The following PRKCE variants were observed in gnomAD, a reference collection of about 807,000 sequenced individuals.
PRKCE encodes the protein protein kinase C epsilon type.
In PRKCE, 16 loss-of-function variants were observed where a neutral mutation model predicts 85.4. The observed-to-expected ratio is 0.19, with a 90% CI of 0.13 to 0.28. The LOEUF (loss-of-function observed/expected upper bound fraction) is 0.28, where lower values mean the gene tolerates loss of function less well. PRKCE is among the 10% of genes least tolerant of loss of function. The pLI, the probability that PRKCE is intolerant of heterozygous loss-of-function variation, is 1.00. For synonymous variants in PRKCE, 388 were observed against 371.5 expected (o/e 1.04, Z -0.51); for missense variants, 573 against 975.2 (o/e 0.59, Z 5.49).
intron 5 of PRKCE, among the ~76,000 whole-genome samples, chr2:45,982,040 G>A (rs1449765590): frequency 2.0e-5 from 3 of 152,256 alleles, no homozygotes; most frequent in Admixed American, 6.5e-5. Context: ...CCAGTGAAGT[G>A]TGTTCCCAAA....
chr2:45,710,869 A>G (rs919726953), intron 1 of PRKCE, among the ~76,000 whole-genome samples: 1 of 152,208 alleles, frequency 6.6e-6, no homozygotes, highest in Admixed American at 6.5e-5. Context: ...CAGATGACAC[A>G]ACCTGACTTG....
intron 1 of PRKCE, among the ~76,000 whole-genome samples, chr2:45,816,331 C>G (rs940978561): frequency 2.6e-5 from 4 of 152,048 alleles, no homozygotes; most frequent in African/African-American, 4.8e-5. Context: ...TTCACTACCC[C>G]CTGGAGTGTC....
intron 10 of PRKCE, among the ~76,000 whole-genome samples, chr2:46,029,150 A>G (rs140402093): frequency 1.1e-4 from 16 of 152,222 alleles, no homozygotes; most frequent in Admixed American, 2.0e-4. Context: ...TCATTTTTTA[A>G]AGCTCTTTAC....
chr2:45,783,588 G>A (rs761181292), intron 1 of PRKCE, among the ~76,000 whole-genome samples: 46 of 152,204 alleles, frequency 3.0e-4, no homozygotes, highest in Admixed American at 4.6e-4. Context: ...TATGGAAGTC[G>A]TTCTCTTACT....
intron 2 of PRKCE, among the ~76,000 whole-genome samples, chr2:45,849,178 A>G (rs1692041905): frequency 6.6e-6 from 1 of 152,236 alleles, no homozygotes; most frequent in Admixed American, 6.5e-5. Context: ...GATTGAAGGC[A>G]GTTCCTTCTG....
intron 1 of PRKCE, among the ~76,000 whole-genome samples, chr2:45,718,101 G>A (rs536637262): frequency 7.9e-5 from 12 of 152,264 alleles, no homozygotes; most frequent in South Asian, 4.1e-4. Flanking sequence ...CATTTGGGCC[G>A]GATAACTTTT....
intron 10 of PRKCE, among the ~76,000 whole-genome samples, chr2:46,070,914 G>A (rs11902150): frequency 0.095 from 14,431 of 152,192 alleles, 1,104 homozygotes; most frequent in East Asian, 0.44. Flanking sequence ...TATAGGAGGT[G>A]CTCAATAAAT....
intron 10 of PRKCE, among the ~76,000 whole-genome samples, chr2:46,051,717 C>T (rs1190240441): frequency 6.6e-6 from 1 of 152,162 alleles, no homozygotes; most frequent in Non-Finnish European, 1.5e-5. Context: ...GAAACAAATC[C>T]TCAATGATGC....
At chr2:46,154,374 A>G (rs1411058208) in intron 13 of PRKCE, among the ~76,000 whole-genome samples, 2 of 151,898 alleles carry the variant, frequency 1.3e-5, no homozygotes, top group Non-Finnish European at 2.9e-5. Flanking sequence ...TCTCACTCCG[A>G]GAATGGTTCT....
At chr2:45,798,409 GC>G (rs1687602606) in intron 1 of PRKCE, among the ~76,000 whole-genome samples, 1 of 152,136 alleles carries the variant, frequency 6.6e-6, no homozygotes, top group African/African-American at 2.4e-5. Context: ...CTCCTCCTTT[GC>G]CTCACATACA....
At chr2:46,111,241 T>C (rs1410195908) in intron 11 of PRKCE, among the ~76,000 whole-genome samples, 2 of 152,206 alleles carry the variant, frequency 1.3e-5, no homozygotes, top group Non-Finnish European at 2.9e-5. Context: ...ACTATATCCT[T>C]ATTGATTTTC....
At chr2:45,753,826 G>A (rs1454997902) in intron 1 of PRKCE, among the ~76,000 whole-genome samples, 4 of 151,968 alleles carry the variant, frequency 2.6e-5, no homozygotes, top group East Asian at 1.9e-4. Flanking sequence ...TCCCCTCCAG[G>A]CATCCTAACA....
At position 46,139,692 on chromosome 2, in the gene PRKCE, A is replaced by ATATG. The variant is rs1553359935; in HGVS notation, c.1593-5400_1593-5399insATGT. On this transcript the variant is annotated intron_variant, in intron 11 of 14. Transcript: ENST00000306156. The surrounding 1 kb of genome is among the most constrained non-coding windows in gnomAD (Gnocchi z 5.2). ...CATATATATATATATGCGTATATAT[A>ATATG]TGTGTGTGTATATATATACATATAT... Among the ~76,000 whole-genome samples, 1 of 151,488 alleles carries ATATG rather than the reference A, an allele frequency of 6.6e-6. No individual in the cohort carries two copies. Among genetic ancestry groups the ATATG allele is most frequent in the African/African-American group, 2.4e-5 (1 of 41,172 alleles).
intron 2 of PRKCE, among the ~76,000 whole-genome samples, chr2:45,866,690 T>A (rs1292850482): frequency 1.3e-5 from 2 of 152,244 alleles, no homozygotes; most frequent in African/African-American, 2.4e-5. Context: ...ACTAGCCACC[T>A]GTGGCTATTT....
In PRKCE at chr2:46,130,785, G is replaced by A. The variant is rs140434851; in HGVS notation, c.1593-14308G>A. On this transcript the variant is annotated intron_variant, in intron 11 of 14. Coordinates refer to ENST00000306156, the MANE Select transcript of PRKCE (RefSeq NM_005400.3). The stretch of plus-strand genomic sequence containing the variant: ...TAGAAAACACATTAAGATATGTCCT[G>A]TACACAGGTAGAAAGTGCTGCTTGT... Among the ~76,000 whole-genome samples the A allele has an allele frequency of 5.3e-5, 8 of 152,326 alleles. No individual in the cohort carries two copies. In the East Asian group the frequency reaches 1.5e-3, roughly 29 times the overall value.
chr2:45,702,833 C>A (rs17034028), intron 1 of PRKCE, among the ~76,000 whole-genome samples: 1 of 152,106 alleles, frequency 6.6e-6, no homozygotes, highest in African/African-American at 2.4e-5. Flanking sequence ...CTACAAGGAG[C>A]CATTTGAACA....
At chr2:45,729,655 A>C (rs1274345029) in intron 1 of PRKCE, among the ~76,000 whole-genome samples, 2 of 152,210 alleles carry the variant, frequency 1.3e-5, no homozygotes, top group African/African-American at 4.8e-5. Context: ...AATCTGTACT[A>C]GAGATTCTAG....
chr2:45,736,507 C>G (rs977834934), intron 1 of PRKCE, among the ~76,000 whole-genome samples: 1 of 152,140 alleles, frequency 6.6e-6, no homozygotes, highest in South Asian at 2.1e-4. Flanking sequence ...GCAAATTAGA[C>G]GTGGAGCAGT....
At chr2:45,941,065 T>TAA (rs397781944) in intron 2 of PRKCE, among the ~76,000 whole-genome samples, 34,994 of 66,856 alleles carry the variant, frequency 0.52, 9,558 homozygotes, top group East Asian at 0.61. Flanking sequence ...GACTTCATCC[T>TAA]AAAAAAAAAA....
Sources: allele counts gnomAD v4.1 joint callset (sites outside exome capture counted in the v4.1 genomes callset), GRCh38; gene constraint gnomAD v4.1.1; non-coding constraint Gnocchi (gnomAD v3.1); transcripts MANE v1.5; gene names NCBI Gene and HGNC (gene_info 2026-07-23, HGNC 2026-07-21).